Variants in ANKRD6 observed in about 807,000 individuals in gnomAD.
ANKRD6 encodes ankyrin repeat domain 6, also known as ankyrin repeat domain-containing protein 6.
ANKRD6 carries 56 observed loss-of-function variants against 82.3 expected under a neutral mutation model. The ratio of observed to expected loss-of-function variants is 0.68; its 90% CI spans 0.55 to 0.85. The LOEUF (loss-of-function observed/expected upper bound fraction) is 0.85. Among genes scored for constraint, ANKRD6 ranks in the 40% least tolerant of loss-of-function variants. The pLI is 0.00. For synonymous variants in ANKRD6, 347 were observed against 352.1 expected (o/e 0.99, Z 0.16); for missense variants, 852 against 907.6 (o/e 0.94, Z 0.79).
chr6:89,612,500 AGT>A, intron 6 of ANKRD6, 130 bp downstream of exon 6: 1 of 985,454 alleles, frequency 1.0e-6, no homozygotes, highest in Non-Finnish European at 1.4e-6. Flanking sequence ...CTATCTCTAA[AGT>A]GTTCTTTTTT....
intron 1 of ANKRD6, among the ~76,000 whole-genome samples, chr6:89,455,620 G>GT (rs1165646386): frequency 2.0e-5 from 3 of 152,092 alleles, no homozygotes; most frequent in African/African-American, 7.2e-5. Flanking sequence ...TCTTGGTGCT[G>GT]TTTTCATGAT....
chr6:89,501,149 T>C (rs1349332319), intron 1 of ANKRD6, among the ~76,000 whole-genome samples: 1 of 152,148 alleles, frequency 6.6e-6, no homozygotes, highest in African/African-American at 2.4e-5. Context: ...CTTTTCGTCA[T>C]TGAGGTTTAC....
intron 1 of ANKRD6, among the ~76,000 whole-genome samples, chr6:89,434,454 T>TC (rs544211680): frequency 2.3e-4 from 35 of 152,266 alleles, no homozygotes; most frequent in African/African-American, 8.4e-4. Flanking sequence ...GGGTTTCTCA[T>TC]CCCCAAAACA....
In ANKRD6 at chr6:89,629,226, G is replaced by A. The variant is rs1194303653; in HGVS notation, c.1600G>A (p.Glu534Lys). The change falls in exon 15 of 16, where the codon GAG becomes AAG. Residue 534 changes from glutamate to lysine, a missense_variant. By Grantham distance (56) the Glu-to-Lys change is moderately conservative. Coordinates refer to ENST00000339746, the MANE Select transcript of ANKRD6 (RefSeq NM_001242809.2). ...CRAKSTPSTCESSTGVDQLVV... is the reference protein window; with the variant it reads ...CRAKSTPSTCKSSTGVDQLVV... ...AGCTAAATCCACACCATCTACTTGT[G>A]AGTCCTCTACAGGTAACCCACACAC... 6.2e-7 allele frequency: 1 copy of A among 1,613,584 alleles called. No individual in the cohort carries two copies. The highest frequency in any genetic ancestry group is 8.5e-7 in the Non-Finnish European group (1 of 1,179,840).
rs368938967 is a variant in ANKRD6 at position 89,630,619 on chromosome 6, T to G, written c.1799T>G (p.Met600Arg). The change falls in exon 16 of 16, where the codon ATG (methionine) becomes AGG (arginine). Residue 600 changes from methionine (M) to arginine (R), a missense_variant. By Grantham distance (91) the Met-to-Arg change is moderately conservative (BLOSUM62 -1). Coordinates refer to ENST00000339746, the MANE Select transcript of ANKRD6 (RefSeq NM_001242809.2). ...AAGGTCCAGACAGCCTTGCTACCCATGAATGAGGCAGCCAGATCTGATCAG... is the reference window on the plus strand; with the variant it reads ...AAGGTCCAGACAGCCTTGCTACCCAGGAATGAGGCAGCCAGATCTGATCAG... ...NVKVQTALLP[M>R]NEAARSDQQA... 3 of 1,613,748 alleles carry G rather than the reference T, an allele frequency of 1.9e-6. No homozygotes were observed. The African/African-American group carries it at 4.0e-5, about 22-fold the overall frequency.
chr6:89,476,173 GT>G lies in ANKRD6; in HGVS notation c.-144+42805del, dbSNP rs372424579. Among the ~76,000 whole-genome samples, 402 of 151,772 alleles carry G rather than the reference GT, an allele frequency of 2.6e-3. 1 individual carries two copies. The highest frequency in any genetic ancestry group is 9.3e-3 in the African/African-American group (384 of 41,422). ...AATATGTGTATGTTTTTGTGTTTTT[GT>G]TTTTTTGTTTTGTTTTGTTTTGTTT... On this transcript the variant is annotated intron_variant, in intron 1 of 15. Coordinates refer to ENST00000339746, the MANE Select transcript of ANKRD6 (RefSeq NM_001242809.2).
rs1018363386 is a variant in ANKRD6, at chr6:89,453,752, T to TTTTA, written c.-144+20398_-144+20401dup. Among the ~76,000 whole-genome samples the TTTTA allele has an allele frequency of 3.6e-4, 54 of 150,986 alleles. 1 individual carries two copies. Among genetic ancestry groups the TTTTA allele is most frequent in the East Asian group, 2.7e-3 (14 of 5,174 alleles). ...ACGCCACCCAGCTAATTTTTGTATT[T>TTTTA]TTTATTTATTTATTTATTTATTTAA... On this transcript the variant is annotated intron_variant, in intron 1 of 15. Coordinates refer to ENST00000339746, the MANE Select transcript of ANKRD6 (RefSeq NM_001242809.2).
chr6:89,556,708 A>T (rs1219937243), intron 1 of ANKRD6, among the ~76,000 whole-genome samples: 2 of 152,260 alleles, frequency 1.3e-5, no homozygotes, highest in African/African-American at 4.8e-5. Context: ...ATCAAGGAAC[A>T]TCTAAACAGT....
chr6:89,615,468 G>A (rs1304660036), intron 7 of ANKRD6, among the ~76,000 whole-genome samples: 2 of 152,150 alleles, frequency 1.3e-5, no homozygotes, highest in South Asian at 2.1e-4. Context: ...AGCGTGTCAC[G>A]GCACTTGAGA....
At chr6:89,516,876 T>C (rs963160228) in intron 1 of ANKRD6, among the ~76,000 whole-genome samples, 2 of 152,112 alleles carry the variant, frequency 1.3e-5, no homozygotes, top group Non-Finnish European at 2.9e-5. Context: ...TTGTTTTTGG[T>C]TTGTTTTTTG....
chr6:89,498,321 G>A (rs996519209), intron 1 of ANKRD6, among the ~76,000 whole-genome samples: 1 of 152,026 alleles, frequency 6.6e-6, no homozygotes, highest in African/African-American at 2.4e-5. Context: ...GAGAACATGT[G>A]GCTACCTAGG....
chr6:89,612,463 A>T, intron 6 of ANKRD6, 93 bp downstream of exon 6: 1 of 1,270,740 alleles, frequency 7.9e-7, no homozygotes, highest in South Asian at 1.6e-5. Flanking sequence ...AACATCTAGA[A>T]ATTAAAATGT....
intron 7 of ANKRD6, among the ~76,000 whole-genome samples, chr6:89,616,229 A>G (rs1801542536): frequency 6.6e-6 from 1 of 152,218 alleles, no homozygotes; most frequent in Admixed American, 6.5e-5. Context: ...TGCCTGCCCC[A>G]GGCCTCCTGC....
At chr6:89,496,652 A>G (rs1266264286) in intron 1 of ANKRD6, among the ~76,000 whole-genome samples, 1 of 152,068 alleles carries the variant, frequency 6.6e-6, no homozygotes, top group East Asian at 1.9e-4. Flanking sequence ...CCTCCCGAAT[A>G]GCTGGGATTA....
chr6:89,476,385 C>T (rs755975105), intron 1 of ANKRD6, among the ~76,000 whole-genome samples: 19 of 152,184 alleles, frequency 1.2e-4, no homozygotes, highest in Middle Eastern at 3.4e-3. Context: ...GACAGGATTT[C>T]GCCATGTTGG....
At chr6:89,617,019 G>A (rs938786465) in intron 8 of ANKRD6, 97 of 448,448 alleles carry the variant, frequency 2.2e-4, no homozygotes, top group South Asian at 1.6e-3. Context: ...CCTCAGTTTA[G>A]TCAGCTTCAA....
chr6:89,539,425 T>TA, intron 1 of ANKRD6, among the ~76,000 whole-genome samples: 2 of 152,218 alleles, frequency 1.3e-5, no homozygotes, highest in South Asian at 4.1e-4. Context: ...AAGAAAACAT[T>TA]AAAAATTTTT....
chr6:89,598,530 T>C (rs965956073), intron 3 of ANKRD6: 22 of 468,474 alleles, frequency 4.7e-5, no homozygotes, highest in Non-Finnish European at 6.2e-5. Context: ...AGGCGCACAC[T>C]GCACCCTTGC....
chr6:89,571,159 C>T (rs545434594), intron 2 of ANKRD6, among the ~76,000 whole-genome samples: 101 of 152,300 alleles, frequency 6.6e-4, no homozygotes, highest in Middle Eastern at 3.4e-3. Flanking sequence ...TCACGCCATT[C>T]TCCTGCCTCA....
Sources: allele counts gnomAD v4.1 joint callset (sites outside exome capture counted in the v4.1 genomes callset), GRCh38; gene constraint gnomAD v4.1.1; transcripts MANE v1.5; gene names NCBI Gene and HGNC (gene_info 2026-07-23, HGNC 2026-07-21).